Variants in NLK observed in about 807,000 individuals in gnomAD.
The protein encoded by NLK is serine/threonine-protein kinase NLK.
NLK carries 11 observed loss-of-function variants against 59.0 expected under a neutral mutation model. The observed-to-expected ratio is 0.19, with a 90% CI of 0.12 to 0.31. NLK has a LOEUF of 0.31. Among genes scored for constraint, NLK ranks in the 10% least tolerant of loss-of-function variants. The pLI is 1.00. For missense variants in NLK, 410 were observed against 661.1 expected (o/e 0.62, Z 4.16); for synonymous variants, 235 against 235.9 (o/e 1.00, Z 0.03).
At chr17:28,171,301 A>G (rs1218817657) in intron 6 of NLK, 2 of 152,226 alleles carry the variant, frequency 1.3e-5, no homozygotes, top group Admixed American at 6.5e-5. Context: ...ATAGTGCTTT[A>G]TATTCGGCAA....
At position 28,100,603 on chromosome 17, in the gene NLK, A is replaced by G. The variant is rs10451291; in HGVS notation, c.459-22000A>G. Among the ~76,000 whole-genome samples, 1,347 of 152,274 alleles carry G rather than the reference A, an allele frequency of 8.8e-3. 20 individuals carry two copies. Among genetic ancestry groups the G allele is most frequent in the African/African-American group, 0.031 (1,269 of 41,550 alleles). ...TTTAATTGGATTATTTATTCTGGAT[A>G]CAAGCCCTTTGTCATGTAGGTGTTT... On this transcript the variant is annotated intron_variant, in intron 1 of 10. Transcript: ENST00000407008.
rs770715644 is a variant in NLK, at chr17:28,194,572, T to C, written c.1530-10T>C. On this transcript the variant is annotated splice_polypyrimidine_tract_variant and intron_variant, in intron 10 of 10. Transcript: ENST00000407008. The stretch of plus-strand genomic sequence containing the variant: ...TTACAACTAATTTCTCCATCTCTGT[T>C]TTCTTCCAGTTCCACTGTTGCTCAG... 1 of 1,578,974 alleles carries C rather than the reference T, an allele frequency of 6.3e-7. No individual in the cohort carries two copies. The highest frequency in any genetic ancestry group is 8.7e-7 in the Non-Finnish European group (1 of 1,154,442).
intron 2 of NLK, among the ~76,000 whole-genome samples, chr17:28,126,811 A>G (rs1281758090): frequency 6.6e-6 from 1 of 152,204 alleles, no homozygotes; most frequent in African/African-American, 2.4e-5. Flanking sequence ...GCTTATTACT[A>G]GTATCTATCT....
At chr17:28,200,681 A>T (rs1320582217), downstream of NLK, among the ~76,000 whole-genome samples, 1 of 152,146 alleles carries the variant, frequency 6.6e-6, no homozygotes, top group Non-Finnish European at 1.5e-5. Context: ...GCGGGGTTTC[A>T]CCATGTTGGC....
chr17:28,122,881 A>T, intron 2 of NLK, 149 bp downstream of exon 2: 1 of 779,502 alleles, frequency 1.3e-6, no homozygotes, highest in Non-Finnish European at 2.0e-6. Flanking sequence ...AAATAAGCGC[A>T]CCAGTGAGGT....
downstream of NLK, among the ~76,000 whole-genome samples, chr17:28,197,494 AATTCCTT>A (rs1909513546): frequency 6.6e-6 from 1 of 151,954 alleles, no homozygotes; most frequent in Non-Finnish European, 1.5e-5. Flanking sequence ...ACAGAAACTA[AATTCCTT>A]TACAGATAAG....
intron 3 of NLK, among the ~76,000 whole-genome samples, chr17:28,140,780 T>C (rs1309305376): frequency 1.3e-5 from 2 of 151,708 alleles, no homozygotes; most frequent in Non-Finnish European, 2.9e-5. Context: ...CTGGACTCCT[T>C]CTCTACTCCC....
chr17:28,098,309 A>G (rs1904773353), intron 1 of NLK, among the ~76,000 whole-genome samples: 2 of 152,348 alleles, frequency 1.3e-5, no homozygotes, highest in East Asian at 1.9e-4. Flanking sequence ...AAAAATTGTC[A>G]TAAGAATTAG....
In NLK at chr17:28,165,113, C is replaced by G. The variant is rs77928095; in HGVS notation, c.837+1485C>G. On this transcript the variant is annotated intron_variant, in intron 5 of 10. Transcript: ENST00000407008. ...TCCTTCTATAGGTTATTGAGTTTTT[C>G]CTGCCACCTTTTCACTTTTTAAAGA... Among the ~76,000 whole-genome samples, 877 of 152,126 alleles carry G rather than the reference C, an allele frequency of 5.8e-3. 6 individuals are homozygous for G. The highest frequency in any genetic ancestry group is 0.02 in the African/African-American group (825 of 41,486).
At chr17:28,124,845 TTC>T (rs1906226960) in intron 2 of NLK, among the ~76,000 whole-genome samples, 1 of 151,604 alleles carries the variant, frequency 6.6e-6, no homozygotes, top group Non-Finnish European at 1.5e-5. Flanking sequence ...AGTCCAGGAG[TTC>T]AAGACCAGCT....
At chr17:28,044,013 A>C (rs1362617106) in intron 1 of NLK, among the ~76,000 whole-genome samples, 1 of 152,206 alleles carries the variant, frequency 6.6e-6, no homozygotes, top group East Asian at 1.9e-4. Context: ...GTAATGTTTT[A>C]GTGTCATTTA....
chr17:28,116,150 T>A (rs963572304), intron 1 of NLK: 1 of 152,272 alleles, frequency 6.6e-6, no homozygotes, highest in Non-Finnish European at 1.5e-5. Flanking sequence ...TTTATATTTT[T>A]AAAATTTTTT....
chr17:28,169,406 C>T (rs118076497), intron 6 of NLK, among the ~76,000 whole-genome samples: 40 of 152,230 alleles, frequency 2.6e-4, no homozygotes, highest in East Asian at 1.4e-3. Context: ...AATTTCTAAC[C>T]TTTATTATTG....
chr17:28,061,827 TATATAC>T (rs896279473), intron 1 of NLK: 17 of 145,470 alleles, frequency 1.2e-4, no homozygotes, highest in South Asian at 2.1e-4. Context: ...AATATATACA[TATATAC>T]ATATACATAT....
intron 1 of NLK, among the ~76,000 whole-genome samples, chr17:28,090,019 A>G (rs903823003): frequency 1.8e-4 from 28 of 152,176 alleles, no homozygotes; most frequent in Admixed American, 9.2e-4. Flanking sequence ...TGTCTTTTGA[A>G]GAGCAGAAGT....
At chr17:28,198,199 T>G (rs970888523), downstream of NLK, among the ~76,000 whole-genome samples, 7 of 151,970 alleles carry the variant, frequency 4.6e-5, no homozygotes, top group African/African-American at 1.7e-4. Context: ...TGCAGTGGCT[T>G]GATCATAGCT....
At chr17:28,096,556 T>C (rs999421021) in intron 1 of NLK, among the ~76,000 whole-genome samples, 2 of 152,154 alleles carry the variant, frequency 1.3e-5, no homozygotes, top group East Asian at 3.8e-4. Flanking sequence ...TGCATTTGGT[T>C]GGAGAAGATT....
chr17:28,133,312 C>T (rs1049226306), intron 3 of NLK, among the ~76,000 whole-genome samples: 24 of 152,108 alleles, frequency 1.6e-4, no homozygotes, highest in African/African-American at 4.6e-4. Context: ...AGAAAATTGA[C>T]CAAGATCACA....
downstream of NLK, among the ~76,000 whole-genome samples, chr17:28,197,144 A>G (rs1909502889): frequency 6.6e-6 from 1 of 152,140 alleles, no homozygotes; most frequent in African/African-American, 2.4e-5. Flanking sequence ...CACTTACAAG[A>G]GAGCATTTTG....
Sources: gnomAD v4.1 joint callset for allele counts (sites outside exome capture counted in the v4.1 genomes callset) on GRCh38, gnomAD v4.1.1 for gene constraint, MANE v1.5 for transcripts, NCBI Gene and HGNC (gene_info 2026-07-23, HGNC 2026-07-21) for gene names.